PCYT2: variants seen among roughly 807,000 people sequenced by gnomAD.
The protein encoded by PCYT2 is ethanolamine-phosphate cytidylyltransferase.
Under a neutral mutation model 50.0 loss-of-function variants are expected in PCYT2, and 33 were observed. The observed-to-expected ratio is 0.66, with a 90% CI of 0.50 to 0.88. PCYT2 has a LOEUF of 0.88. Ranked by LOEUF, PCYT2 falls within the 40% of genes least tolerant of loss-of-function variation. PCYT2 has a pLI of 0.00. For synonymous variants in PCYT2, 240 were observed against 203.7 expected, an observed-to-expected ratio of 1.18 and a Z score of -1.52; for missense variants, 430 against 519.7, an observed-to-expected ratio of 0.83 and a Z score of 1.68.
At chr17:81,905,342 A>C in intron 11 of PCYT2, 40 bp downstream of exon 11, 1 of 1,528,104 alleles carries the variant, frequency 6.5e-7, no homozygotes, top group Non-Finnish European at 8.9e-7. Context: ...GGAGGTGCCA[A>C]TGGCAACCCC....
intron 1 of PCYT2, among the ~76,000 whole-genome samples, chr17:81,909,907 C>T (rs2040483386): frequency 6.6e-6 from 1 of 152,160 alleles, no homozygotes; most frequent in Admixed American, 6.5e-5. Flanking sequence ...CCACTGAAAG[C>T]TGCAGGGCCA....
chr17:81,909,267 G>C, intron 2 of PCYT2: 1 of 1,430,344 alleles, frequency 7.0e-7, no homozygotes, highest in East Asian at 2.5e-5. Flanking sequence ...CTCAGCCCCT[G>C]AAGGCTTGGG....
At position 81,911,223 on chromosome 17, in the gene PCYT2, GCCGGCCCCGGCGCCCCCGCGGCCCGCC is replaced by G; in HGVS notation, c.89+17_89+43del. The G allele has an allele frequency of 3.9e-6, 4 of 1,027,370 alleles. No homozygotes were observed. The highest frequency in any genetic ancestry group is 5.7e-5 in the Admixed American group (1 of 17,454). The allele number at this position is 1,027,370 out of a possible 1,614,324, so 63.6% of individuals were successfully genotyped here. On this transcript the variant is annotated intron_variant, in intron 1 of 12. Coordinates refer to ENST00000538936, the MANE Select transcript of PCYT2 (RefSeq NM_002861.5). ...GGCTGGCGCGGCGCCCCGGAAGGAAGCCGGCCCCGGCGCCCCCGCGGCCCGCCCCGGCCCCGCGCTCACCAGCCATCG... is the reference window on the plus strand; with the variant it reads ...GGCTGGCGCGGCGCCCCGGAAGGAAGCCGGCCCCGCGCTCACCAGCCATCG...
At chr17:81,905,881 G>T (rs2040237463) in intron 9 of PCYT2, 146 bp from the exon 10 acceptor site, 14 of 861,246 alleles carry the variant, frequency 1.6e-5, no homozygotes, top group Middle Eastern at 5.5e-4. Context: ...GACCCCTGGG[G>T]CTCCTCCATG....
chr17:81,902,895 G>T lies in PCYT2; in HGVS notation c.*1938C>A. 1 of 705,928 alleles carries T rather than the reference G, an allele frequency of 1.4e-6. No individual in the cohort carries two copies. The highest frequency in any genetic ancestry group is 2.2e-6 in the Non-Finnish European group (1 of 456,978). 43.7% of individuals were successfully genotyped at this position (705,928 alleles called of 1,614,324 possible). ...AATGGCAAACGAATAAATAAATGAG[G>T]CGGCCTCGGAGTGAGGGGTGCTGGA... is the stretch of plus-strand genomic sequence containing the variant. On this transcript the variant is annotated 3_prime_UTR_variant, in exon 13 of 13. Coordinates refer to ENST00000538936, the MANE Select transcript of PCYT2 (RefSeq NM_002861.5).
Position 81,902,644 on chromosome 17 carries a change from C to T in PCYT2, c.*2189G>A, listed in dbSNP as rs1259209949. Reference sequence around the variant, plus strand: ...GGCTGTGTGCGTCCAGGACGTCGCCCCAAACCTGCAGAGGTGCGAGCGGCT... The same window carrying T: ...GGCTGTGTGCGTCCAGGACGTCGCCTCAAACCTGCAGAGGTGCGAGCGGCT... On this transcript the variant is annotated 3_prime_UTR_variant, in exon 13 of 13. Transcript: ENST00000538936. 3 of 1,603,490 alleles carry T rather than the reference C, an allele frequency of 1.9e-6. No individual in the cohort carries two copies. Among genetic ancestry groups the T allele is most frequent in the Non-Finnish European group, 2.5e-6 (3 of 1,177,224 alleles).
Position 81,902,302 on chromosome 17 carries a change from G to A in PCYT2, c.*2531C>T, listed in dbSNP as rs1048443293. On this transcript the variant is annotated 3_prime_UTR_variant, in exon 13 of 13. Transcript: ENST00000538936. ...CATGGCCCGGTCCGCGACACTGGCG[G>A]CCGCCGCCCTGGCGCTGTGCCTGCT... The A allele has an allele frequency of 3.0e-6, 4 of 1,323,972 alleles. No individual in the cohort carries two copies. The highest frequency in any genetic ancestry group is 1.9e-6 in the Non-Finnish European group (2 of 1,043,870). The allele number at this position is 1,323,972 out of a possible 1,614,324, so 82.0% of individuals were successfully genotyped here. A position where few individuals can be genotyped will look rare whatever the true frequency, so the allele number is the denominator to read the frequency against.
chr17:81,901,955 G>A lies in PCYT2; in HGVS notation c.*2878C>T, dbSNP rs1321404572. On this transcript the variant is annotated 3_prime_UTR_variant, in exon 13 of 13. Transcript: ENST00000538936. ...GGACGACTCCTAGGGCTGGGCGCCC[G>A]TGGGCCCTCCCCTGCTGCCACTGCG... 1.5e-5 allele frequency: 3 copies of A among 200,850 alleles called. No individual in the cohort carries two copies. The highest frequency in any genetic ancestry group is 2.0e-5 in the Non-Finnish European group (2 of 100,422). 12.4% of individuals were successfully genotyped at this position (200,850 alleles called of 1,614,324 possible).
rs1416414863 is a variant in PCYT2 at position 81,905,732 on chromosome 17, C to G, written c.841G>C (p.Val281Leu). Residue 281 changes from valine (V) to leucine (L), a missense_variant, in exon 10 of 13, where the codon GTG becomes CTG. Physicochemically the swap from Val to Leu is conservative, Grantham distance 32. This residue lies in a region of PCYT2 where 248 missense variants were observed against 300.2 expected (regional missense o/e 0.83). Coordinates refer to ENST00000538936, the MANE Select transcript of PCYT2 (RefSeq NM_002861.5). Reference protein sequence around the residue: ...RTLSVLACRYVSEVVIGAPYA... With the variant: ...RTLSVLACRYLSEVVIGAPYA... Reference sequence around the variant, plus strand: ...GGGGCTCCAATCACCACTTCTGACACGTACTGTGGGGACAGTGGGGGCAGA... The same window carrying G: ...GGGGCTCCAATCACCACTTCTGACAGGTACTGTGGGGACAGTGGGGGCAGA... The G allele has an allele frequency of 2.5e-6, 4 of 1,613,428 alleles. No individual in the cohort carries two copies. Among genetic ancestry groups the G allele is most frequent in the Non-Finnish European group, 3.4e-6 (4 of 1,179,954 alleles).
Position 81,906,778 on chromosome 17 carries a change from C to T in PCYT2, c.658G>A (p.Gly220Ser), listed in dbSNP as rs142427972. 1 of 1,613,344 alleles carries T rather than the reference C, an allele frequency of 6.2e-7. No individual in the cohort carries two copies. Among genetic ancestry groups the T allele is most frequent in the Non-Finnish European group, 8.5e-7 (1 of 1,179,938 alleles). The change falls in exon 7 of 13, where the codon GGT becomes AGT. Residue 220 changes from glycine (G) to serine (S), a missense_variant. Transcript: ENST00000538936. ...AGGATACGGAACAGGTCGAAGGCAC[C>T]AGCCACATAGATGACTGTCTCCCCT... The part of the protein sequence containing the change: ...QPGETVIYVA[G>S]AFDLFHIGHV...
In PCYT2 at chr17:81,906,872, G is replaced by A. The variant is rs532629283; in HGVS notation, c.564C>T (p.Thr188=). The A allele has an allele frequency of 1.1e-5, 18 of 1,613,206 alleles. No individual in the cohort carries two copies. The highest frequency in any genetic ancestry group is 5.0e-5 in the Admixed American group (3 of 60,014). ...ATGTCTGCAGGAACTGGGATACCCC[G>A]GTCCAGGGGTTCCGCCCACCAGGGC... ...GKCPGGRNPW[T]GVSQFLQTSQ... is the part of the protein sequence containing the mutation. Residue 188 remains threonine (T), a synonymous_variant, in exon 7 of 13, where the codon ACC becomes ACT. Coordinates refer to ENST00000538936, the MANE Select transcript of PCYT2 (RefSeq NM_002861.5).
intron 12 of PCYT2, 23 bp downstream of exon 12, chr17:81,905,043 G>A (rs541542857): frequency 2.9e-5 from 46 of 1,603,266 alleles, no homozygotes; most frequent in East Asian, 1.6e-4. Context: ...AGGCGGCTCC[G>A]AGGTGCCCCC....
chr17:81,905,227 CCA>C, intron 11 of PCYT2, 73 bp from the exon 12 acceptor site: 3 of 1,402,868 alleles, frequency 2.1e-6, no homozygotes, highest in Non-Finnish European at 3.0e-6. Context: ...ATGCCCTGCC[CCA>C]GAGGGAGACC....
chr17:81,905,239 C>T (rs899016513), intron 11 of PCYT2, 85 bp from the exon 12 acceptor site: 7 of 1,367,080 alleles, frequency 5.1e-6, no homozygotes, highest in Non-Finnish European at 7.2e-6. Flanking sequence ...AGAGGGAGAC[C>T]AGCGCCCAGG....
At chr17:81,905,331 G>A (rs768150876) in intron 11 of PCYT2, 51 bp downstream of exon 11, 174 of 1,483,474 alleles carry the variant, frequency 1.2e-4, no homozygotes, top group Non-Finnish European at 1.5e-4. Flanking sequence ...TTAAATGGCT[G>A]GGAGGTGCCA....
chr17:81,909,416 C>T, intron 2 of PCYT2, 98 bp downstream of exon 2: 1 of 1,479,780 alleles, frequency 6.8e-7, no homozygotes, highest in Non-Finnish European at 9.3e-7. Context: ...ACAGCTGTGC[C>T]CTGGCAAGGT....
At chr17:81,907,128 G>T in intron 6 of PCYT2, 1 of 1,276,986 alleles carries the variant, frequency 7.8e-7, no homozygotes, top group Non-Finnish European at 1.1e-6. Flanking sequence ...ACCACCAGGA[G>T]GAGGCAAGGA....
rs947619345 is a variant in PCYT2 at position 81,904,386 on chromosome 17, T to C, written c.*447A>G. 2.5e-5 allele frequency: 4 copies of C among 162,378 alleles called. No homozygotes were observed. The highest frequency in any genetic ancestry group is 5.3e-5 in the Non-Finnish European group (4 of 74,990). 10.1% of individuals were successfully genotyped at this position (162,378 alleles called of 1,614,324 possible). On this transcript the variant is annotated 3_prime_UTR_variant, in exon 13 of 13. Transcript: ENST00000538936. Reference sequence around the variant, plus strand: ...AGGCGCTGGGTGGCAGGACACCGTGTTGGGGGGTGCCCAGTGGGAGGTGGT... The same window carrying C: ...AGGCGCTGGGTGGCAGGACACCGTGCTGGGGGGTGCCCAGTGGGAGGTGGT...
chr17:81,902,757 C>T lies in PCYT2; in HGVS notation c.*2076G>A, dbSNP rs1308835180. On this transcript the variant is annotated 3_prime_UTR_variant, in exon 13 of 13. Coordinates refer to ENST00000538936, the MANE Select transcript of PCYT2 (RefSeq NM_002861.5). ...ACTGCCTCGCCGCCTGAGCCCGGAC[C>T]TCTCCTGGCACCGCTGGGGGCCCCC... The T allele has an allele frequency of 6.2e-7, 1 of 1,602,270 alleles. No homozygotes were observed. The highest frequency in any genetic ancestry group is 8.5e-7 in the Non-Finnish European group (1 of 1,176,152).
Sources: allele counts gnomAD v4.1 joint callset (sites outside exome capture counted in the v4.1 genomes callset), GRCh38; gene constraint gnomAD v4.1.1; regional missense constraint gnomAD v4.1.1; transcripts MANE v1.5; gene names NCBI Gene and HGNC (gene_info 2026-07-23, HGNC 2026-07-21).